Variants in KDELR2 observed in about 807,000 individuals in gnomAD.
The protein encoded by KDELR2 is KDEL endoplasmic reticulum protein retention receptor 2.
KDELR2 carries 15 observed loss-of-function variants against 23.9 expected under a neutral mutation model. That is an observed-to-expected ratio of 0.63 (90% CI 0.42 to 0.97). The LOEUF is 0.97. Ranked by LOEUF, KDELR2 falls within the 50% of genes least tolerant of loss-of-function variation. The pLI, the probability that KDELR2 is intolerant of heterozygous loss-of-function variation, is 0.00. For synonymous variants in KDELR2, 119 were observed against 106.2 expected (o/e 1.12, Z -0.74); for missense variants, 272 against 254.6 (o/e 1.07, Z -0.46).
intron 1 of KDELR2, among the ~76,000 whole-genome samples, chr7:6,480,436 C>G (rs1583321787): frequency 6.6e-6 from 1 of 152,314 alleles, no homozygotes; most frequent in Admixed American, 6.5e-5. Context: ...TGACACCCTT[C>G]TGTAATGACA....
chr7:6,483,139 C>T (rs1406204079), intron 1 of KDELR2, among the ~76,000 whole-genome samples: 2 of 152,222 alleles, frequency 1.3e-5, no homozygotes, highest in African/African-American at 4.8e-5. Flanking sequence ...AATCTGTACT[C>T]TTGATCAGGG....
At chr7:6,483,895 C>G in intron 1 of KDELR2, 72 bp downstream of exon 1, 1 of 1,240,140 alleles carries the variant, frequency 8.1e-7, no homozygotes, top group Non-Finnish European at 1.0e-6. Flanking sequence ...GTGGGGTGGC[C>G]GAGGTCGGCG....
rs190693582 is a variant in KDELR2 at position 6,483,198 on chromosome 7, T to C, written c.91+769A>G. ...TGGAGCAACGAATTGCAGGAGCCCA[T>C]AGGAGGCCTCGGCGGTCCCCGGGCG... On this transcript the variant is annotated intron_variant, in intron 1 of 4. Coordinates refer to ENST00000258739, the MANE Select transcript of KDELR2 (RefSeq NM_006854.4). Among the ~76,000 whole-genome samples, 30 of 152,236 alleles carry C rather than the reference T, an allele frequency of 2.0e-4. 1 individual carries two copies. The East Asian group carries it at 5.8e-3, about 29-fold the overall frequency.
At position 6,484,022 on chromosome 7, in the gene KDELR2, G is replaced by A; in HGVS notation, c.36C>T (p.His12=). Residue 12 remains histidine (H), a synonymous_variant, in exon 1 of 5, where the codon CAC becomes CAT. Coordinates refer to ENST00000258739, the MANE Select transcript of KDELR2 (RefSeq NM_006854.4). ...NIFRLTGDLS[H]LAAIVILLLK... is the part of the protein sequence containing the mutation. ...GCAGCAGGATGACGATGGCCGCCAG[G>A]TGGGACAGGTCCCCAGTCAGCCGGA... The A allele has an allele frequency of 6.5e-7, 1 of 1,527,458 alleles. No homozygotes were observed. The highest frequency in any genetic ancestry group is 8.8e-7 in the Non-Finnish European group (1 of 1,134,892). 94.6% of individuals were successfully genotyped at this position (1,527,458 alleles called of 1,614,324 possible).
intron 3 of KDELR2, among the ~76,000 whole-genome samples, chr7:6,467,675 C>T (rs1785530363): frequency 6.6e-6 from 1 of 152,096 alleles, no homozygotes; most frequent in Admixed American, 6.5e-5. Flanking sequence ...GCAGGAGAAT[C>T]GCTTGAACCC....
chr7:6,474,903 G>A (rs75426673), intron 1 of KDELR2, among the ~76,000 whole-genome samples: 94 of 152,250 alleles, frequency 6.2e-4, no homozygotes, highest in African/African-American at 2.2e-3. Context: ...TTCCCAAAGC[G>A]TTGGCATTAC....
At chr7:6,473,088 T>TGTA (rs1785686756) in intron 2 of KDELR2, among the ~76,000 whole-genome samples, 1 of 143,286 alleles carries the variant, frequency 7.0e-6, no homozygotes, top group African/African-American at 2.6e-5. Flanking sequence ...TTGTATTTTT[T>TGTA]TTTTTTTTTT....
rs1235674773 is a variant in KDELR2 at position 6,474,174 on chromosome 7, C to T, written c.192+10G>A. ...AGATGAAATACATTCCTGTGGATGG[C>T]ATACCATACCTTCATAGATGTGTTA... is the stretch of plus-strand genomic sequence containing the variant. On this transcript the variant is annotated intron_variant, in intron 2 of 4. Transcript: ENST00000258739. 7.2e-6 allele frequency: 11 copies of T among 1,518,598 alleles called. No homozygotes were observed. Among genetic ancestry groups the T allele is most frequent in the East Asian group, 2.3e-5 (1 of 44,438 alleles). The allele number at this position is 1,518,598 out of a possible 1,614,324, so 94.1% of individuals were successfully genotyped here.
At chr7:6,482,613 G>A (rs978615106) in intron 1 of KDELR2, 18 of 468,440 alleles carry the variant, frequency 3.8e-5, no homozygotes, top group African/African-American at 3.4e-4. Context: ...ATTCAGAGAT[G>A]TAAGTGTGAC....
intron 1 of KDELR2, among the ~76,000 whole-genome samples, chr7:6,474,549 G>A (rs1326659731): frequency 6.6e-6 from 1 of 152,182 alleles, no homozygotes; most frequent in East Asian, 1.9e-4. Context: ...ATGCCAGGAT[G>A]TGTATCATTC....
intron 1 of KDELR2, among the ~76,000 whole-genome samples, chr7:6,482,867 T>C (rs1785932541): frequency 6.9e-6 from 1 of 145,020 alleles, no homozygotes; most frequent in Admixed American, 7.0e-5. Context: ...TAGCCAGGCA[T>C]GGTGGTGCAC....
chr7:6,467,886 G>A (rs11980237), intron 3 of KDELR2, among the ~76,000 whole-genome samples: 16,542 of 152,232 alleles, frequency 0.11, 1,971 homozygotes, highest in African/African-American at 0.28. Flanking sequence ...GAGGCACTCA[G>A]GAGCAGATCA....
chr7:6,466,769 C>G (rs983514908), intron 3 of KDELR2, among the ~76,000 whole-genome samples: 1 of 151,784 alleles, frequency 6.6e-6, no homozygotes, highest in African/African-American at 2.4e-5. Flanking sequence ...AGCATGCAAC[C>G]TAGATCCCTC....
chr7:6,477,243 G>A (rs1021082134), intron 1 of KDELR2, among the ~76,000 whole-genome samples: 7 of 147,630 alleles, frequency 4.7e-5, no homozygotes, highest in South Asian at 2.1e-4. Flanking sequence ...CTGGAAATCT[G>A]CGGATGCTAA....
chr7:6,466,820 T>C (rs904285479), intron 3 of KDELR2, among the ~76,000 whole-genome samples: 15 of 151,958 alleles, frequency 9.9e-5, no homozygotes, highest in African/African-American at 2.9e-4. Flanking sequence ...CCTATGAGAA[T>C]TGAATGCTGC....
In KDELR2 at chr7:6,462,059, C is replaced by T. The variant is rs149755824; in HGVS notation, c.*1082G>A. ...AATATAGTGTTTTTTAGGATGGTAACATAAGTCATGCAACAGCTCTGTAAA... is the reference window on the plus strand; with the variant it reads ...AATATAGTGTTTTTTAGGATGGTAATATAAGTCATGCAACAGCTCTGTAAA... On this transcript the variant is annotated 3_prime_UTR_variant, in exon 5 of 5. Transcript: ENST00000258739. 6.6e-6 allele frequency: 1 copy of T among 151,956 alleles called. No individual in the cohort carries two copies. Among genetic ancestry groups the T allele is most frequent in the Non-Finnish European group, 1.5e-5 (1 of 68,006 alleles). 9.4% of individuals were successfully genotyped at this position (151,956 alleles called of 1,614,324 possible). A position where few individuals can be genotyped will look rare whatever the true frequency, so the allele number is the denominator to read the frequency against.
intron 3 of KDELR2, 68 bp downstream of exon 3, chr7:6,469,528 C>T: frequency 6.7e-7 from 1 of 1,492,856 alleles, no homozygotes; most frequent in East Asian, 2.3e-5. Flanking sequence ...TCCGCCTCGG[C>T]CTCCCAAAAT....
At chr7:6,474,071 T>G (rs536034073) in intron 2 of KDELR2, 113 bp downstream of exon 2, 4 of 680,350 alleles carry the variant, frequency 5.9e-6, no homozygotes, top group Non-Finnish European at 1.0e-5. Flanking sequence ...AACAGCATAT[T>G]AAGACATTAT....
chr7:6,463,753 T>TAA lies in KDELR2; in HGVS notation c.605-580_605-579dup, dbSNP rs147990504. Among the ~76,000 whole-genome samples the TAA allele has an allele frequency of 2.7e-3, 316 of 117,420 alleles. 1 individual carries two copies. The highest frequency in any genetic ancestry group is 8.8e-3 in the African/African-American group (287 of 32,498). The allele number at this position is 117,420 out of a possible 152,430, so 77.0% of individuals were successfully genotyped here. On this transcript the variant is annotated intron_variant, in intron 4 of 4. Transcript: ENST00000258739. The stretch of plus-strand genomic sequence containing the variant: ...GTGAGACCCTGTCTCTTTAAAAAGA[T>TAA]AAAAAAAAAAAAAAACACAAAGGAT...
Sources: gnomAD v4.1 joint callset for allele counts (sites outside exome capture counted in the v4.1 genomes callset) on GRCh38, gnomAD v4.1.1 for gene constraint, MANE v1.5 for transcripts, NCBI Gene and HGNC (gene_info 2026-07-23, HGNC 2026-07-21) for gene names.